The following HORMAD2 variants were observed in gnomAD, a reference collection of about 807,000 sequenced individuals.
The protein encoded by HORMAD2 is HORMA domain containing 2, also known as HORMA domain-containing protein 2.
Under a neutral mutation model 38.8 loss-of-function variants are expected in HORMAD2, and 45 were observed. The observed-to-expected ratio is 1.16, with a 90% CI of 0.91 to 1.49. HORMAD2 has a LOEUF of 1.49. HORMAD2 is among the 40% of genes most tolerant of loss of function. HORMAD2 has a pLI of 0.00. For synonymous variants in HORMAD2, 126 were observed against 122.8 expected, an observed-to-expected ratio of 1.03 and a Z score of -0.17; for missense variants, 338 against 367.0, an observed-to-expected ratio of 0.92 and a Z score of 0.65.
At chr22:30,203,514 C>G in the HORMAD2 span, among the ~76,000 whole-genome samples, 2 of 152,156 alleles carry the variant, frequency 1.3e-5, no homozygotes. Flanking sequence ...GTCCATCCTT[C>G]CCCTGCTTCT....
chr22:30,087,874 T>G (rs1424580184), intron 1 of HORMAD2, among the ~76,000 whole-genome samples: 1 of 152,172 alleles, frequency 6.6e-6, no homozygotes, highest in African/African-American at 2.4e-5. Context: ...TGCCTGGCCA[T>G]GCCAGCTGCT....
the HORMAD2 span, among the ~76,000 whole-genome samples, chr22:30,194,790 C>A: frequency 6.6e-6 from 1 of 152,170 alleles, no homozygotes; most frequent in Admixed American, 6.5e-5. Context: ...TCAAAGCAAT[C>A]TGCTAGGAAC....
chr22:30,172,891 A>G (rs1286048488), intron 10 of HORMAD2, among the ~76,000 whole-genome samples: 2 of 152,094 alleles, frequency 1.3e-5, no homozygotes, highest in African/African-American at 4.8e-5. Flanking sequence ...CCGTTTCAAA[A>G]AAAAAAAAAA....
intron 3 of HORMAD2, among the ~76,000 whole-genome samples, chr22:30,101,442 G>A (rs1303755967): frequency 6.6e-6 from 1 of 151,950 alleles, no homozygotes; most frequent in African/African-American, 2.4e-5. Flanking sequence ...AGGGGGGTGG[G>A]GGGCAAGGGA....
At chr22:30,204,108 A>C in the HORMAD2 span, among the ~76,000 whole-genome samples, 1 of 152,124 alleles carries the variant, frequency 6.6e-6, no homozygotes, top group African/African-American at 2.4e-5. Flanking sequence ...CCCAGAGTTA[A>C]TTTGACTGTC....
In HORMAD2 at chr22:30,122,011, T is replaced by G; in HGVS notation, c.616T>G (p.Ser206Ala). The G allele has an allele frequency of 1.9e-6, 3 of 1,612,782 alleles. No homozygotes were observed. The highest frequency in any genetic ancestry group is 2.5e-6 in the Non-Finnish European group (3 of 1,179,350). The change falls in exon 10 of 11, where the codon TCA becomes GCA. Residue 206 changes from serine to alanine, a missense_variant. Physicochemically the swap from Ser to Ala is moderately conservative, Grantham distance 99. Transcript: ENST00000336726. ...QPLGFKEGVN[S>A]HFLLFDKEPI... Reference sequence around the variant, plus strand: ...CCTCGGTTTTAAAGAAGGGGTAAATTCACACTTCCTGCTGTTTGACAAGGA... The same window carrying G: ...CCTCGGTTTTAAAGAAGGGGTAAATGCACACTTCCTGCTGTTTGACAAGGA...
intron 8 of HORMAD2, among the ~76,000 whole-genome samples, chr22:30,120,119 AG>A (rs1175633337): frequency 6.6e-6 from 1 of 152,196 alleles, no homozygotes; most frequent in Non-Finnish European, 1.5e-5. Flanking sequence ...ATATGCCAAG[AG>A]GTAAGCTGTA....
chr22:30,137,114 C>T, intron 10 of HORMAD2: 1 of 389,840 alleles, frequency 2.6e-6, no homozygotes, highest in Non-Finnish European at 4.8e-6. Context: ...TCATGGTCTG[C>T]TATTTTTTAG....
the HORMAD2 span, among the ~76,000 whole-genome samples, chr22:30,187,891 C>A: frequency 6.6e-6 from 1 of 151,434 alleles, no homozygotes; most frequent in Non-Finnish European, 1.5e-5. Flanking sequence ...GTAGCAGGGG[C>A]AGTGGGGGTG....
At chr22:30,183,082 T>A in the HORMAD2 span, among the ~76,000 whole-genome samples, 1 of 152,180 alleles carries the variant, frequency 6.6e-6, no homozygotes, top group Admixed American at 6.5e-5. Context: ...GCTCATATAC[T>A]GTTCTAGGCA....
chr22:30,185,197 T>C, the HORMAD2 span, among the ~76,000 whole-genome samples: 1 of 152,176 alleles, frequency 6.6e-6, no homozygotes, highest in Non-Finnish European at 1.5e-5. Context: ...GACCAGCCCA[T>C]TCATCATCAG....
the HORMAD2 span, among the ~76,000 whole-genome samples, chr22:30,205,940 G>A: frequency 6.6e-6 from 1 of 152,108 alleles, no homozygotes; most frequent in Non-Finnish European, 1.5e-5. Context: ...TTTGTCCTGT[G>A]GGACGAAGCA....
intron 10 of HORMAD2, among the ~76,000 whole-genome samples, chr22:30,167,991 A>C (rs1280447467): frequency 6.6e-6 from 1 of 152,204 alleles, no homozygotes; most frequent in Non-Finnish European, 1.5e-5. Flanking sequence ...AGTTATTGTG[A>C]GGAATAAATG....
the HORMAD2 span, among the ~76,000 whole-genome samples, chr22:30,186,441 G>GA: frequency 4.6e-3 from 677 of 146,432 alleles, 3 homozygotes; most frequent in African/African-American, 0.016. Context: ...ATTACAAAAT[G>GA]AAAAAATAGC....
intron 5 of HORMAD2, among the ~76,000 whole-genome samples, chr22:30,108,012 GCACGTGC>G (rs911901630): frequency 5.3e-5 from 8 of 151,560 alleles, no homozygotes; most frequent in African/African-American, 1.9e-4. Context: ...GGGACTACAG[GCACGTGC>G]CACCATGCCT....
chr22:30,125,211 C>CTTTTTTTTTT (rs1569099734), intron 10 of HORMAD2, among the ~76,000 whole-genome samples: 8 of 46,588 alleles, frequency 1.7e-4, no homozygotes, highest in Admixed American at 2.3e-4. Flanking sequence ...CTTTCTTTTT[C>CTTTTTTTTTT]TTTTCTTTTT....
chr22:30,078,013 A>G (rs1428007592), upstream of HORMAD2, among the ~76,000 whole-genome samples: 2 of 152,254 alleles, frequency 1.3e-5, no homozygotes, highest in African/African-American at 4.8e-5. Context: ...GTAAAGATGA[A>G]GGCTTTACCC....
At chr22:30,092,117 G>A in intron 1 of HORMAD2, among the ~76,000 whole-genome samples, 1 of 151,242 alleles carries the variant, frequency 6.6e-6, no homozygotes, top group East Asian at 1.9e-4. Flanking sequence ...TTGACCTCAG[G>A]TGATCCACCC....
chr22:30,205,917 T>A, the HORMAD2 span, among the ~76,000 whole-genome samples: 1 of 152,120 alleles, frequency 6.6e-6, no homozygotes, highest in African/African-American at 2.4e-5. Context: ...TCCCACCAGA[T>A]ACTTTTGCAG....
Sources: allele counts gnomAD v4.1 joint callset (sites outside exome capture counted in the v4.1 genomes callset), GRCh38; gene constraint gnomAD v4.1.1; transcripts MANE v1.5; gene names NCBI Gene and HGNC (gene_info 2026-07-23, HGNC 2026-07-21).